CLNK: variants seen among roughly 807,000 people sequenced by gnomAD.
CLNK encodes cytokine dependent hematopoietic cell linker.
CLNK carries 74 observed loss-of-function variants against 68.6 expected under a neutral mutation model. The ratio of observed to expected loss-of-function variants is 1.08; its 90% CI spans 0.89 to 1.31. The LOEUF is 1.31. CLNK is among the 50% of genes most tolerant of loss of function. The pLI, the probability that CLNK is intolerant of heterozygous loss-of-function variation, is 0.00. For missense variants in CLNK, 553 were observed against 515.3 expected, an observed-to-expected ratio of 1.07 and a Z score of -0.71; for synonymous variants, 198 against 172.2, an observed-to-expected ratio of 1.15 and a Z score of -1.17.
In CLNK at chr4:10,525,909, C is replaced by A. The variant is rs1291253207; in HGVS notation, c.663G>T (p.Gln221His). The A allele has an allele frequency of 3.8e-6, 6 of 1,569,762 alleles. No homozygotes were observed. In the African/African-American group the frequency reaches 5.4e-5, roughly 14 times the overall value. Residue 221 changes from glutamine (Q) to histidine (H), a missense_variant, in exon 14 of 19, where the codon CAG (glutamine) becomes CAT (histidine). By Grantham distance (24) the Gln-to-His change is conservative. Transcript: ENST00000226951. ...ACAGATGAGTTGATTCAGGCTTCCTCTGGTTATGAGGAACTATATAAAACA... is the reference window on the plus strand; with the variant it reads ...ACAGATGAGTTGATTCAGGCTTCCTATGGTTATGAGGAACTATATAAAACA... ...VLEAEKVPHNQRKPESTHLLE... is the reference protein window; with the variant it reads ...VLEAEKVPHNHRKPESTHLLE...
Position 10,612,879 on chromosome 4 carries a change from T to C in CLNK, c.12-14830A>G, listed in dbSNP as rs530684908. 3.9e-5 allele frequency among the ~76,000 whole-genome samples: 6 copies of C among 152,344 alleles called. No individual in the cohort carries two copies. In the East Asian group the frequency reaches 1.2e-3, roughly 29 times the overall value. On this transcript the variant is annotated intron_variant, in intron 2 of 18. Coordinates refer to ENST00000226951, the MANE Select transcript of CLNK (RefSeq NM_052964.4). Reference sequence around the variant, plus strand: ...GAAGGTGTTTAGGTTTTGCTACATATTGAGAATATTGTAAGAATTAAATGA... The same window carrying C: ...GAAGGTGTTTAGGTTTTGCTACATACTGAGAATATTGTAAGAATTAAATGA...
At chr4:10,542,079 T>C in intron 9 of CLNK, 38 bp from the exon 10 acceptor site, 1 of 1,564,750 alleles carries the variant, frequency 6.4e-7, no homozygotes, top group South Asian at 1.2e-5. Context: ...AAGTTTATTG[T>C]TCTGTGAGCA....
At position 10,527,490 on chromosome 4, in the gene CLNK, A is replaced by G. The variant is rs139910051; in HGVS notation, c.649+586T>C. 3.3e-3 allele frequency among the ~76,000 whole-genome samples: 504 copies of G among 152,010 alleles called. 3 individuals carry two copies. Among genetic ancestry groups the G allele is most frequent in the Middle Eastern group, 0.031 (9 of 294 alleles). On this transcript the variant is annotated intron_variant, in intron 13 of 18. Coordinates refer to ENST00000226951, the MANE Select transcript of CLNK (RefSeq NM_052964.4). ...TGTTGAACGATGCTGTCTTTTGTGA[A>G]CTCTTTGGGCTGTGATGCAGGCCCT...
intron 2 of CLNK, among the ~76,000 whole-genome samples, chr4:10,643,868 G>A (rs573863615): frequency 1.3e-5 from 2 of 152,296 alleles, no homozygotes; most frequent in African/African-American, 4.8e-5. Context: ...GTTTATAACT[G>A]TAGTTCCCTA....
At chr4:10,699,243 T>TATGTGTGTGTATACACACAC in the CLNK span, among the ~76,000 whole-genome samples, 114 of 53,952 alleles carry the variant, frequency 2.1e-3, 4 homozygotes, top group African/African-American at 7.1e-3. Context: ...TACACACACA[T>TATGTGTGTGTATACACACAC]ACACACCACG....
At chr4:10,574,969 T>A (rs1164055801) in intron 4 of CLNK, among the ~76,000 whole-genome samples, 1 of 152,172 alleles carries the variant, frequency 6.6e-6, no homozygotes, top group African/African-American at 2.4e-5. Context: ...AATTGCTCAC[T>A]TGGGGAGCTC....
At chr4:10,730,609 C>T in the CLNK span, among the ~76,000 whole-genome samples, 380 of 152,148 alleles carry the variant, frequency 2.5e-3, 1 homozygote, top group Middle Eastern at 0.017. Context: ...ATAGAACCAC[C>T]GCTGAAATAC....
chr4:10,646,493 C>T (rs1363767484), intron 2 of CLNK, among the ~76,000 whole-genome samples: 3 of 152,188 alleles, frequency 2.0e-5, no homozygotes, highest in African/African-American at 7.2e-5. Context: ...ATATTATCAG[C>T]TTTGGAGCAG....
intron 6 of CLNK, among the ~76,000 whole-genome samples, chr4:10,565,055 C>T (rs962729079): frequency 1.2e-4 from 19 of 152,100 alleles, no homozygotes; most frequent in Non-Finnish European, 4.4e-5. Context: ...TTGGCTATGC[C>T]ATGCCCTTTA....
intron 1 of CLNK, among the ~76,000 whole-genome samples, chr4:10,673,497 G>GATGA (rs1417063148): frequency 1.3e-5 from 2 of 152,156 alleles, no homozygotes; most frequent in African/African-American, 4.8e-5. Context: ...CATAAAAAAG[G>GATGA]ATGAGTTCAT....
chr4:10,513,347 C>T (rs897643581), intron 16 of CLNK, 117 bp downstream of exon 16: 18 of 905,730 alleles, frequency 2.0e-5, no homozygotes, highest in Non-Finnish European at 2.8e-5. Context: ...AACATATAGC[C>T]AGAAGGGAAA....
chr4:10,711,850 G>A, the CLNK span, among the ~76,000 whole-genome samples: 1 of 152,278 alleles, frequency 6.6e-6, no homozygotes, highest in East Asian at 1.9e-4. Context: ...GACTACTCCT[G>A]TGATCTGCAC....
the CLNK span, among the ~76,000 whole-genome samples, chr4:10,722,902 T>G: frequency 6.6e-6 from 1 of 152,040 alleles, no homozygotes; most frequent in Non-Finnish European, 1.5e-5. Context: ...ATACAAAAAT[T>G]AGGCAGGTGT....
At chr4:10,633,983 A>G (rs1032967392) in intron 2 of CLNK, among the ~76,000 whole-genome samples, 1 of 152,230 alleles carries the variant, frequency 6.6e-6, no homozygotes, top group South Asian at 2.1e-4. Flanking sequence ...CCCATTTTAC[A>G]GACAAGGAAA....
rs554484372 is a variant in CLNK at position 10,640,706 on chromosome 4, G to C, written c.11+27153C>G. The stretch of plus-strand genomic sequence containing the variant: ...ACTAGGAAGGGCTGCACTAGTGTGA[G>C]CTGTTACTATTGTTCTTCCTCTTCC... On this transcript the variant is annotated intron_variant, in intron 2 of 18. Coordinates refer to ENST00000226951, the MANE Select transcript of CLNK (RefSeq NM_052964.4). 5.3e-5 allele frequency among the ~76,000 whole-genome samples: 8 copies of C among 152,364 alleles called. No individual in the cohort carries two copies. In the South Asian group the frequency reaches 1.7e-3, roughly 32 times the overall value.
intron 15 of CLNK, among the ~76,000 whole-genome samples, chr4:10,520,563 G>A (rs1718016245): frequency 6.6e-6 from 1 of 152,176 alleles, no homozygotes; most frequent in Non-Finnish European, 1.5e-5. Flanking sequence ...CTATACTAGT[G>A]TTGATAGCAT....
intron 2 of CLNK, among the ~76,000 whole-genome samples, chr4:10,608,600 G>A (rs1011943960): frequency 6.6e-6 from 1 of 152,152 alleles, no homozygotes; most frequent in African/African-American, 2.4e-5. Flanking sequence ...AAGGCTCTGT[G>A]TCTGGGTCAT....
At position 10,490,568 on chromosome 4, in the gene CLNK, G is replaced by A. The variant is rs944412418; in HGVS notation, c.1186C>T (p.Pro396Ser). 1 of 1,593,024 alleles carries A rather than the reference G, an allele frequency of 6.3e-7. No homozygotes were observed. Among genetic ancestry groups the A allele is most frequent in the African/African-American group, 1.3e-5 (1 of 74,496 alleles). Residue 396 changes from proline to serine, a missense_variant, in exon 19 of 19, where the codon CCC becomes TCC. Physicochemically the swap from Pro to Ser is moderately conservative, Grantham distance 74. Transcript: ENST00000226951. Reference sequence around the variant, plus strand: ...TCTTTCCCATCAATTAGTATAATGGGAAAATTCTTGTAGTGTTCGATGATG... The same window carrying A: ...TCTTTCCCATCAATTAGTATAATGGAAAAATTCTTGTAGTGTTCGATGATG... Reference protein sequence around the residue: ...EDIIEHYKNFPIILIDGKDKT... With the variant: ...EDIIEHYKNFSIILIDGKDKT...
chr4:10,727,327 T>C, the CLNK span, among the ~76,000 whole-genome samples: 3 of 152,230 alleles, frequency 2.0e-5, no homozygotes, highest in Non-Finnish European at 2.9e-5. Flanking sequence ...TTGAGAGTCG[T>C]GGAAAATTCC....
Sources: gnomAD v4.1 joint callset for allele counts (sites outside exome capture counted in the v4.1 genomes callset) on GRCh38, gnomAD v4.1.1 for gene constraint, MANE v1.5 for transcripts, NCBI Gene and HGNC (gene_info 2026-07-23, HGNC 2026-07-21) for gene names.